The following ME2 variants were observed in gnomAD, a reference collection of about 807,000 sequenced individuals.
The protein encoded by ME2 is malic enzyme 2.
A neutral mutation model predicts 73.7 loss-of-function variants in ME2; 60 were observed. The ratio of observed to expected loss-of-function variants is 0.81; its 90% CI spans 0.66 to 1.01. ME2 has a LOEUF of 1.01. Ranked by LOEUF, ME2 falls within the 50% of genes least tolerant of loss-of-function variation. The pLI, the probability that ME2 is intolerant of heterozygous loss-of-function variation, is 0.00. For missense variants in ME2, 594 were observed against 705.5 expected, an observed-to-expected ratio of 0.84 and a Z score of 1.79; for synonymous variants, 199 against 236.9, an observed-to-expected ratio of 0.84 and a Z score of 1.47.
chr18:50,922,433 C>T (rs1482443142), intron 10 of ME2, among the ~76,000 whole-genome samples: 2 of 152,212 alleles, frequency 1.3e-5, no homozygotes, highest in Non-Finnish European at 2.9e-5. Context: ...ACTGTGCTGC[C>T]TCCCAAAGAG....
At chr18:50,891,747 T>G (rs892042407) in intron 1 of ME2, among the ~76,000 whole-genome samples, 2 of 151,456 alleles carry the variant, frequency 1.3e-5, no homozygotes, top group Non-Finnish European at 2.9e-5. Context: ...CACAAATTTG[T>G]GGGGGGCATT....
rs548205072 is a variant in ME2, at chr18:50,927,651, G to A, written c.1314+1753G>A. On this transcript the variant is annotated intron_variant, in intron 12 of 15. Transcript: ENST00000321341. ...CACGAGGCGGAGCTTGCATTGAGCCGAGATCGCACCACTGCACTCCAGCCT... is the reference window on the plus strand; with the variant it reads ...CACGAGGCGGAGCTTGCATTGAGCCAAGATCGCACCACTGCACTCCAGCCT... 1.0e-3 allele frequency among the ~76,000 whole-genome samples: 148 copies of A among 146,802 alleles called. 1 individual carries two copies. The highest frequency in any genetic ancestry group is 3.6e-3 in the African/African-American group (145 of 39,780).
intron 3 of ME2, among the ~76,000 whole-genome samples, chr18:50,909,537 C>T (rs557140939): frequency 1.3e-5 from 2 of 152,040 alleles, no homozygotes; most frequent in African/African-American, 4.8e-5. Context: ...GTAGAGGGAT[C>T]GGTCTGCATA....
Position 50,917,451 on chromosome 18 carries a change from A to G in ME2, c.573A>G (p.Ala191=), listed in dbSNP as rs1917311106. The G allele has an allele frequency of 6.2e-7, 1 of 1,613,550 alleles. No individual in the cohort carries two copies. The highest frequency in any genetic ancestry group is 2.2e-5 in the East Asian group (1 of 44,866). ...AACTTTGTTTGTATACAGCTTGTGC[A>G]GGAATACGGCCTGATAGATGCCTGC... ...VGKLCLYTAC[A]GIRPDRCLPV... The change falls in exon 6 of 16, where the codon GCA becomes GCG. Residue 191 remains alanine, a synonymous_variant. Transcript: ENST00000321341.
intron 4 of ME2, among the ~76,000 whole-genome samples, chr18:50,915,240 A>G (rs918050282): frequency 1.3e-5 from 2 of 152,186 alleles, no homozygotes; most frequent in Non-Finnish European, 2.9e-5. Context: ...CATACCTTTA[A>G]TCCTAACACT....
intron 2 of ME2, among the ~76,000 whole-genome samples, chr18:50,902,547 G>A (rs1448641446): frequency 6.6e-6 from 1 of 152,128 alleles, no homozygotes; most frequent in Non-Finnish European, 1.5e-5. Flanking sequence ...ACAGGCATGT[G>A]CCACCACGCC....
In ME2 at chr18:50,903,335, T is replaced by C. The variant is rs138823251; in HGVS notation, c.109-4728T>C. Among the ~76,000 whole-genome samples the C allele has an allele frequency of 4.2e-3, 644 of 152,330 alleles. 10 individuals are homozygous for C. In the East Asian group the frequency reaches 0.064, roughly 15 times the overall value. ...ACATAAAATTATTTAATCATTTTATTTTTTACTCTGCATTATAAATAAATC... is the reference window on the plus strand; with the variant it reads ...ACATAAAATTATTTAATCATTTTATCTTTTACTCTGCATTATAAATAAATC... On this transcript the variant is annotated intron_variant, in intron 2 of 15. Coordinates refer to ENST00000321341, the MANE Select transcript of ME2 (RefSeq NM_002396.5).
At chr18:50,911,131 C>T (rs752479829) in intron 3 of ME2, among the ~76,000 whole-genome samples, 1 of 152,222 alleles carries the variant, frequency 6.6e-6, no homozygotes. Flanking sequence ...TTGAGGAGAT[C>T]CATGACTTGT....
At chr18:50,888,336 C>A (rs576712184) in intron 1 of ME2, among the ~76,000 whole-genome samples, 21 of 80,150 alleles carry the variant, frequency 2.6e-4, no homozygotes, top group Non-Finnish European at 4.9e-4. Flanking sequence ...CAGAGCAAGA[C>A]CCTGTCTCAA....
At chr18:50,926,048 T>C in intron 12 of ME2, 150 bp downstream of exon 12, 1 of 579,402 alleles carries the variant, frequency 1.7e-6, no homozygotes, top group Non-Finnish European at 3.1e-6. Context: ...TTATTGCTTA[T>C]ACCAATTATG....
chr18:50,917,413 A>G lies in ME2; in HGVS notation c.535A>G (p.Ile179Val). The G allele has an allele frequency of 6.2e-7, 1 of 1,613,714 alleles. No individual in the cohort carries two copies. The highest frequency in any genetic ancestry group is 8.5e-7 in the Non-Finnish European group (1 of 1,179,734). ...LGDLGVYGMG[I>V]PVGKLCLYTA... Reference sequence around the variant, plus strand: ...AGATCTGGGTGTCTATGGAATGGGAATTCCAGTAGGAAAACTTTGTTTGTA... The same window carrying G: ...AGATCTGGGTGTCTATGGAATGGGAGTTCCAGTAGGAAAACTTTGTTTGTA... The change falls in exon 6 of 16, where the codon ATT becomes GTT. Residue 179 changes from isoleucine to valine, a missense_variant. By Grantham distance (29) the Ile-to-Val change is conservative. Coordinates refer to ENST00000321341, the MANE Select transcript of ME2 (RefSeq NM_002396.5).
chr18:50,895,062 T>A (rs1358209259), intron 1 of ME2, among the ~76,000 whole-genome samples: 1 of 151,990 alleles, frequency 6.6e-6, no homozygotes, highest in Non-Finnish European at 1.5e-5. Flanking sequence ...AGCATAATAA[T>A]TACAATGATT....
At chr18:50,884,138 A>T (rs1916397528) in intron 1 of ME2, among the ~76,000 whole-genome samples, 1 of 151,926 alleles carries the variant, frequency 6.6e-6, no homozygotes, top group Non-Finnish European at 1.5e-5. Context: ...TTTTTTAATT[A>T]TGCCTACTAA....
intron 2 of ME2, among the ~76,000 whole-genome samples, chr18:50,897,132 C>A (rs1319531942): frequency 6.6e-6 from 1 of 152,138 alleles, no homozygotes; most frequent in Non-Finnish European, 1.5e-5. Flanking sequence ...TGCTTCTTTT[C>A]ATGGTTTAAG....
intron 1 of ME2, among the ~76,000 whole-genome samples, chr18:50,883,734 G>GGCACCTGTAGTGCTA (rs1916384170): frequency 6.6e-6 from 1 of 152,078 alleles, no homozygotes; most frequent in Non-Finnish European, 1.5e-5. Context: ...CATGGTGGTG[G>GGCACCTGTAGTGCTA]GCACCTGTAG....
At chr18:50,931,729 C>G (rs1917694656) in intron 12 of ME2, among the ~76,000 whole-genome samples, 1 of 150,770 alleles carries the variant, frequency 6.6e-6, no homozygotes, top group African/African-American at 2.4e-5. Context: ...GGCTGGAGTG[C>G]AGTGGCGTGC....
chr18:50,880,990 A>G (rs1916307139), intron 1 of ME2, among the ~76,000 whole-genome samples: 1 of 152,210 alleles, frequency 6.6e-6, no homozygotes, highest in Non-Finnish European at 1.5e-5. Context: ...ATTAAGTTAA[A>G]AACTCTAATT....
chr18:50,952,896 C>T lies in ME2; in HGVS notation c.*5712C>T, dbSNP rs528885943. 1 of 152,204 alleles carries T rather than the reference C, an allele frequency of 6.6e-6. No homozygotes were observed. Among genetic ancestry groups the T allele is most frequent in the Non-Finnish European group, 1.5e-5 (1 of 68,000 alleles). 9.4% of individuals were successfully genotyped at this position (152,204 alleles called of 1,614,324 possible). On this transcript the variant is annotated 3_prime_UTR_variant, in exon 16 of 16. Transcript: ENST00000321341. ...TCCGACATATTTAATCCTCTGTTTA[C>T]CCTCTGTTTCTGTGCCTGATTTACA...
At chr18:50,887,483 A>G (rs942996109) in intron 1 of ME2, among the ~76,000 whole-genome samples, 1 of 152,220 alleles carries the variant, frequency 6.6e-6, no homozygotes, top group Non-Finnish European at 1.5e-5. Context: ...TCAAAACTAG[A>G]CATATTTTGG....
Sources: gnomAD v4.1 joint callset for allele counts (sites outside exome capture counted in the v4.1 genomes callset) on GRCh38, gnomAD v4.1.1 for gene constraint, MANE v1.5 for transcripts, NCBI Gene and HGNC (gene_info 2026-07-23, HGNC 2026-07-21) for gene names.